The following MYH1 variants were observed in gnomAD, a reference collection of about 807,000 sequenced individuals.
The protein encoded by MYH1 is myosin-1.
A neutral mutation model predicts 225.6 loss-of-function variants in MYH1; 214 were observed. The ratio of observed to expected loss-of-function variants is 0.95; its 90% confidence interval spans 0.85 to 1.06. MYH1 has a LOEUF of 1.06. Among genes scored for constraint, MYH1 ranks in the 50% least tolerant of loss-of-function variants. The probability of loss-of-function intolerance (pLI) is 0.00; values close to 1 mark genes in which losing one functional copy is unlikely to be tolerated. For missense variants in MYH1, 2,098 were observed against 2,344.2 expected (o/e 0.89, Z 2.17); for synonymous variants, 774 against 842.3 (o/e 0.92, Z 1.40).
chr17:10,504,674 A>G, intron 22 of MYH1, 136 bp downstream of exon 22: 1 of 1,039,418 alleles, frequency 9.6e-7, no homozygotes, highest in South Asian at 1.7e-5. Flanking sequence ...GGAATTCTAT[A>G]GAACATTCTA....
chr17:10,516,128 C>A, intron 4 of MYH1, 46 bp from the exon 5 acceptor site: 2 of 1,613,204 alleles, frequency 1.2e-6, no homozygotes, highest in Non-Finnish European at 1.7e-6. Context: ...TGATGGGGAC[C>A]TTAATCATCT....
chr17:10,499,739 T>G (rs2142260690), intron 28 of MYH1, among the ~76,000 whole-genome samples: 1 of 152,330 alleles, frequency 6.6e-6, no homozygotes, highest in South Asian at 2.1e-4. Context: ...TTTATACTAG[T>G]TATCTTGAAC....
chr17:10,496,075 C>T lies in MYH1; in HGVS notation c.5044G>A (p.Ala1682Thr). The T allele has an allele frequency of 1.9e-6, 3 of 1,614,152 alleles. No homozygotes were observed. Among genetic ancestry groups the T allele is most frequent in the Non-Finnish European group, 2.5e-6 (3 of 1,180,024 alleles). Residue 1682 changes from alanine to threonine, a missense_variant, in exon 35 of 40, where the codon GCC (alanine) becomes ACC (threonine). Ala to Thr is a moderately conservative substitution (Grantham distance 58). Coordinates refer to ENST00000226207, the MANE Select transcript of MYH1 (RefSeq NM_005963.4). ...TCGATCTCAGCCTGCAGCAGGTTGG[C>T]TCTGCGCTCCACCATAGCCAGCTGT... Reference protein sequence around the residue: ...KEQLAMVERRANLLQAEIEEL... With the variant: ...KEQLAMVERRTNLLQAEIEEL...
Position 10,508,502 on chromosome 17 carries a change from A to G in MYH1, c.1758T>C (p.Ala586=). 1.2e-6 allele frequency: 2 copies of G among 1,614,152 alleles called. No individual in the cohort carries two copies. The highest frequency in any genetic ancestry group is 2.2e-5 in the South Asian group (2 of 91,074). The change falls in exon 16 of 40, where the codon GCT becomes GCC. Residue 586 remains alanine (A), a synonymous_variant. Transcript: ENST00000226207. ...PEAHFSLIHY[A]GTVDYNIAGW... ...CGGCAATGTTGTAGTCCACGGTGCC[A>G]GCATAGTGAATCAAAGAGAAGTGGG...
chr17:10,502,720 A>G lies in MYH1; in HGVS notation c.3111+18T>C. The G allele has an allele frequency of 6.2e-7, 1 of 1,614,122 alleles. No individual in the cohort carries two copies. Among genetic ancestry groups the G allele is most frequent in the Non-Finnish European group, 8.5e-7 (1 of 1,180,028 alleles). On this transcript the variant is annotated intron_variant, in intron 24 of 39. Coordinates refer to ENST00000226207, the MANE Select transcript of MYH1 (RefSeq NM_005963.4). The stretch of plus-strand genomic sequence containing the variant: ...TTACAAAATTTAAAAAATCATTTTT[A>G]TATAATGTTAGGCTTACATCATCCA...
At chr17:10,514,969 A>T in intron 5 of MYH1, 74 bp from the exon 6 acceptor site, 15 of 1,325,572 alleles carry the variant, frequency 1.1e-5, no homozygotes, top group Non-Finnish European at 1.6e-5. Context: ...GAAACAGGGC[A>T]TTTGAGTATA....
intron 28 of MYH1, among the ~76,000 whole-genome samples, chr17:10,499,978 T>C (rs917444532): frequency 1.5e-4 from 23 of 152,174 alleles, no homozygotes; most frequent in African/African-American, 5.3e-4. Flanking sequence ...GGGGAATAAA[T>C]GCAGAGACTT....
chr17:10,495,851 A>G, intron 35 of MYH1, 99 bp downstream of exon 35: 2 of 1,415,192 alleles, frequency 1.4e-6, no homozygotes, highest in Non-Finnish European at 1.9e-6. Flanking sequence ...TTTATCCTTC[A>G]TGAAATCTTA....
intron 17 of MYH1, among the ~76,000 whole-genome samples, chr17:10,507,146 C>A (rs1383406452): frequency 6.6e-6 from 1 of 152,104 alleles, no homozygotes; most frequent in Admixed American, 6.5e-5. Flanking sequence ...TCATGGCAAC[C>A]TCTGCCTCCT....
rs142560385 is a variant in MYH1 at position 10,505,926 on chromosome 17, G to A, written c.2060C>T (p.Ala687Val). The change falls in exon 19 of 40, where the codon GCC becomes GTC. Residue 687 changes from alanine (A) to valine (V), a missense_variant. Ala to Val is a moderately conservative substitution (Grantham distance 64). Coordinates refer to ENST00000226207, the MANE Select transcript of MYH1 (RefSeq NM_005963.4). ...IIPNETKTPG[A>V]MEHELVLHQL... ...ATGCAGGACAAGCTCATGCTCCATG[G>A]CACCTAAAAGAATGAATCCACATGC... The A allele has an allele frequency of 4.3e-4, 694 of 1,614,072 alleles. 3 individuals carry two copies. The African/African-American group carries it at 7.8e-3, about 18-fold the overall frequency.
intron 6 of MYH1, among the ~76,000 whole-genome samples, chr17:10,514,650 T>G (rs1307001186): frequency 1.3e-5 from 2 of 152,208 alleles, no homozygotes; most frequent in East Asian, 3.8e-4. Flanking sequence ...CACCAAAAAG[T>G]TCTGTGGAAC....
intron 24 of MYH1, 78 bp from the exon 25 acceptor site, chr17:10,501,989 A>G (rs1286507580): frequency 1.5e-6 from 2 of 1,370,256 alleles, no homozygotes; most frequent in Non-Finnish European, 2.0e-6. Context: ...TAAACATTAT[A>G]TCTATGCAGC....
rs559049008 is a variant in MYH1 at position 10,506,410 on chromosome 17, T to G, written c.1969-311A>C. Reference sequence around the variant, plus strand: ...ATGGAAATACTCTACCCATTCTTTTTTTGCCTAGATACATGGTCTGATTTT... The same window carrying G: ...ATGGAAATACTCTACCCATTCTTTTGTTGCCTAGATACATGGTCTGATTTT... On this transcript the variant is annotated intron_variant, in intron 17 of 39. Transcript: ENST00000226207. 3.1e-4 allele frequency among the ~76,000 whole-genome samples: 47 copies of G among 152,326 alleles called. 3 individuals are homozygous for G. The South Asian group carries it at 6.4e-3, about 21-fold the overall frequency.
Position 10,494,956 on chromosome 17 carries a change from T to G in MYH1, c.5441A>C (p.Lys1814Thr). 1 of 1,614,164 alleles carries G rather than the reference T, an allele frequency of 6.2e-7. No individual in the cohort carries two copies. The highest frequency in any genetic ancestry group is 8.5e-7 in the Non-Finnish European group (1 of 1,180,012). The change falls in exon 37 of 40, where the codon AAG becomes ACG. Residue 1814 changes from lysine to threonine, a missense_variant. Coordinates refer to ENST00000226207, the MANE Select transcript of MYH1 (RefSeq NM_005963.4). ...CCTGGCCTCCAGTTTCTGGATCTGC[T>G]TCTTCCCACCCTTCAGGGCCAGCTG... is the stretch of plus-strand genomic sequence containing the variant. ...AEQLALKGGK[K>T]QIQKLEARVR...
rs190484270 is a variant in MYH1 at position 10,502,583 on chromosome 17, G to A, written c.3111+155C>T. On this transcript the variant is annotated intron_variant, in intron 24 of 39. Transcript: ENST00000226207. Reference sequence around the variant, plus strand: ...ATTGATTTTAAAAACTTTATTGTGTGTACATCTTAGACCTTGTAATAGGGA... The same window carrying A: ...ATTGATTTTAAAAACTTTATTGTGTATACATCTTAGACCTTGTAATAGGGA... 1.5e-3 allele frequency among the ~76,000 whole-genome samples: 223 copies of A among 152,238 alleles called. 1 individual carries two copies. Among genetic ancestry groups the A allele is most frequent in the East Asian group, 0.012 (63 of 5,176 alleles).
chr17:10,513,893 G>A lies in MYH1; in HGVS notation c.669C>T (p.Ile223=). 6.2e-7 allele frequency: 1 copy of A among 1,614,118 alleles called. No individual in the cohort carries two copies. The highest frequency in any genetic ancestry group is 8.5e-7 in the Non-Finnish European group (1 of 1,179,982). The change falls in exon 8 of 40, where the codon ATC becomes ATT. Residue 223 remains isoleucine (I), a synonymous_variant. Transcript: ENST00000226207. ...CCTCCAGTAGGGGGTTGGCACTGAT[G>A]ATTTGATCTTCCAGAGTCCCCTGCA... is the stretch of plus-strand genomic sequence containing the variant. The part of the protein sequence containing the change: ...GKMQGTLEDQ[I]ISANPLLEAF...
chr17:10,516,771 A>C, intron 2 of MYH1, 89 bp from the exon 3 acceptor site: 1 of 1,131,706 alleles, frequency 8.8e-7, no homozygotes, highest in Admixed American at 2.5e-5. Flanking sequence ...TTACTGACCA[A>C]TTGAGTGCTT....
intron 15 of MYH1, among the ~76,000 whole-genome samples, chr17:10,508,888 A>C (rs2073144519): frequency 6.6e-6 from 1 of 152,228 alleles, no homozygotes; most frequent in South Asian, 2.1e-4. Context: ...GATATGACAG[A>C]GTAAGACAGA....
In MYH1 at chr17:10,504,996, C is replaced by G; in HGVS notation, c.2505G>C (p.Lys835Asn). The G allele has an allele frequency of 6.2e-7, 1 of 1,614,186 alleles. No individual in the cohort carries two copies. ...GGAGGGGTTTGATCTTGAAATACAGCTTCATCCAGGGCCAGTGCTTCACAT... is the reference window on the plus strand; with the variant it reads ...GGAGGGGTTTGATCTTGAAATACAGGTTCATCCAGGGCCAGTGCTTCACAT... ...FMNVKHWPWM[K>N]LYFKIKPLLK... Residue 835 changes from lysine (K) to asparagine (N), a missense_variant, in exon 22 of 40, where the codon AAG (lysine) becomes AAC (asparagine). Coordinates refer to ENST00000226207, the MANE Select transcript of MYH1 (RefSeq NM_005963.4).
Sources: gnomAD v4.1 joint callset for allele counts (sites outside exome capture counted in the v4.1 genomes callset) on GRCh38, gnomAD v4.1.1 for gene constraint, MANE v1.5 for transcripts, NCBI Gene and HGNC (gene_info 2026-07-23, HGNC 2026-07-21) for gene names.